Variants in TFF3 observed in about 807,000 individuals in gnomAD.
TFF3 encodes trefoil factor 3.
In TFF3, 6 loss-of-function variants were observed where a neutral mutation model predicts 9.7. The observed-to-expected ratio is 0.62, with a 90% CI of 0.34 to 1.22. The LOEUF is 1.22. TFF3 is among the 50% of genes most tolerant of loss of function. TFF3 has a pLI of 0.04. For synonymous variants in TFF3, 48 were observed against 41.4 expected (o/e 1.16, Z -0.61); for missense variants, 93 against 98.6 (o/e 0.94, Z 0.24).
chr21:42,312,805 G>T (rs999456440), intron 2 of TFF3, among the ~76,000 whole-genome samples: 1 of 152,178 alleles, frequency 6.6e-6, no homozygotes, highest in Non-Finnish European at 1.5e-5. Flanking sequence ...CTTCGTGGGG[G>T]CTGAGCTGGC....
At position 42,313,029 on chromosome 21, in the gene TFF3, G is replaced by C. The variant is rs79341074; in HGVS notation, c.229+456C>G. ...GAGAGGGAGAGGAGATGACCCTTGTGGGGGGCAGAGTGGGGGAGGTGGGGT... is the reference window on the plus strand; with the variant it reads ...GAGAGGGAGAGGAGATGACCCTTGTCGGGGGCAGAGTGGGGGAGGTGGGGT... On this transcript the variant is annotated intron_variant, in intron 2 of 2. Coordinates refer to ENST00000518498, the MANE Select transcript of TFF3 (RefSeq NM_003226.4). This position sits in a 1 kb window ranked among gnomAD's most constrained non-coding sequence, Gnocchi z 4.0. Among the ~76,000 whole-genome samples the C allele has an allele frequency of 2.2e-3, 329 of 152,214 alleles. No individual in the cohort carries two copies. Among genetic ancestry groups the C allele is most frequent in the African/African-American group, 7.5e-3 (310 of 41,536 alleles).
At chr21:42,315,271 G>A (rs1425174719) in intron 1 of TFF3, 22 bp downstream of exon 1, 5 of 1,601,052 alleles carry the variant, frequency 3.1e-6, no homozygotes, top group Non-Finnish European at 3.4e-6. Flanking sequence ...CCTGCCACCG[G>A]GGCAGTCAGG....
Position 42,313,567 on chromosome 21 carries a change from G to A in TFF3, c.147C>T (p.Pro49=). The change falls in exon 2 of 3, where the codon CCC becomes CCT. Residue 49 remains proline (P), a synonymous_variant. Transcript: ENST00000518498. This position sits in a 1 kb window ranked among gnomAD's most constrained non-coding sequence, Gnocchi z 4.0. ...RVDCGYPHVT[P]KECNNRGCCF... is the part of the protein sequence containing the mutation. Reference sequence around the variant, plus strand: ...AGCAGCCCCGGTTGTTGCACTCCTTGGGGGTGACATGGGGGTAGCCGCAGT... The same window carrying A: ...AGCAGCCCCGGTTGTTGCACTCCTTAGGGGTGACATGGGGGTAGCCGCAGT... The A allele has an allele frequency of 6.2e-7, 1 of 1,611,290 alleles. No individual in the cohort carries two copies. Among genetic ancestry groups the A allele is most frequent in the Non-Finnish European group, 8.5e-7 (1 of 1,179,612 alleles).
chr21:42,312,699 A>G (rs969085653), intron 2 of TFF3, among the ~76,000 whole-genome samples: 1 of 152,120 alleles, frequency 6.6e-6, no homozygotes, highest in African/African-American at 2.4e-5. Flanking sequence ...AGCCGGGGCC[A>G]GCAGGACTCA....
intron 2 of TFF3, among the ~76,000 whole-genome samples, chr21:42,312,970 T>C (rs1008820604): frequency 2.0e-5 from 3 of 151,416 alleles, no homozygotes; most frequent in Non-Finnish European, 4.4e-5. Flanking sequence ...ACCCCCAGGG[T>C]GGTTGCCCTG....
In TFF3 at chr21:42,313,511, C is replaced by G; in HGVS notation, c.203G>C (p.Trp68Ser). The change falls in exon 2 of 3, where the codon TGG (tryptophan) becomes TCG (serine). Residue 68 changes from tryptophan to serine, a missense_variant. Transcript: ENST00000518498. This position sits in a 1 kb window ranked among gnomAD's most constrained non-coding sequence, Gnocchi z 4.0. ...CFDSRIPGVP[W>S]CFKPLQEAEC... ...TGCTTCCTGCAGGGGCTTGAAACAC[C>G]AAGGCACTCCAGGGATCCTGGAGTC... The G allele has an allele frequency of 1.2e-6, 2 of 1,609,520 alleles. No individual in the cohort carries two copies.
Position 42,312,145 on chromosome 21 carries a change from C to A in TFF3, c.*111G>T, listed in dbSNP as rs1449751846. The A allele has an allele frequency of 6.8e-7, 1 of 1,467,312 alleles. No individual in the cohort carries two copies. The allele number at this position is 1,467,312 out of a possible 1,614,324, so 90.9% of individuals were successfully genotyped here. ...TATGAACTTTCAGCAGAAGCGCTTG[C>A]CGGGAGCAAAGGGACAGAAAAGCTG... On this transcript the variant is annotated 3_prime_UTR_variant, in exon 3 of 3. Transcript: ENST00000518498.
At chr21:42,314,791 C>G (rs2069349519) in intron 1 of TFF3, among the ~76,000 whole-genome samples, 2 of 152,198 alleles carry the variant, frequency 1.3e-5, no homozygotes, top group Non-Finnish European at 2.9e-5. Flanking sequence ...TGACCCTGCT[C>G]AGAAGACACC....
In TFF3 at chr21:42,313,432, G is replaced by C; in HGVS notation, c.229+53C>G. On this transcript the variant is annotated intron_variant, in intron 2 of 2. Coordinates refer to ENST00000518498, the MANE Select transcript of TFF3 (RefSeq NM_003226.4). The surrounding 1 kb of genome is among the most constrained non-coding windows in gnomAD (Gnocchi z 4.0). ...CCCAGAAAGGACAGGGAGGCCCTGAGACCCCCTGCCTTATGGGGCTGGGCC... is the reference window on the plus strand; with the variant it reads ...CCCAGAAAGGACAGGGAGGCCCTGACACCCCCTGCCTTATGGGGCTGGGCC... 1 of 1,552,088 alleles carries C rather than the reference G, an allele frequency of 6.4e-7. No individual in the cohort carries two copies. Among genetic ancestry groups the C allele is most frequent in the Admixed American group, 2.1e-5 (1 of 48,502 alleles).
chr21:42,314,856 C>T (rs1456907472), intron 1 of TFF3, among the ~76,000 whole-genome samples: 1 of 152,238 alleles, frequency 6.6e-6, no homozygotes. Flanking sequence ...AGCAGCCACA[C>T]CCCATGGCAG....
In TFF3 at chr21:42,313,735, C is replaced by T. The variant is rs2069344036; in HGVS notation, c.83-104G>A. The T allele has an allele frequency of 3.6e-6, 5 of 1,373,730 alleles. No homozygotes were observed. The African/African-American group carries it at 4.4e-5, about 12-fold the overall frequency. The allele number at this position is 1,373,730 out of a possible 1,614,324, so 85.1% of individuals were successfully genotyped here. ...TGCATCCTCCCGCTCCGCCCCACCC[C>T]GCCGAGTTCAACCACTGCTGAAACC... On this transcript the variant is annotated intron_variant, in intron 1 of 2. Transcript: ENST00000518498. The surrounding 1 kb of genome is among the most constrained non-coding windows in gnomAD (Gnocchi z 4.0).
Position 42,312,276 on chromosome 21 carries a change from A to G in TFF3, c.230-7T>C. 3 of 1,605,808 alleles carry G rather than the reference A, an allele frequency of 1.9e-6. No homozygotes were observed. Among genetic ancestry groups the G allele is most frequent in the Non-Finnish European group, 2.6e-6 (3 of 1,175,930 alleles). On this transcript the variant is annotated splice_polypyrimidine_tract_variant and splice_region_variant and intron_variant, in intron 2 of 2. Transcript: ENST00000518498. ...GTGCCTCAGAAGGTGCATTCTGCAA[A>G]CAGAGCAAAGGCTTGTGTGAGCAGT...
chr21:42,313,903 G>A lies in TFF3; in HGVS notation c.83-272C>T, dbSNP rs1034460848. On this transcript the variant is annotated intron_variant, in intron 1 of 2. Transcript: ENST00000518498. The surrounding 1 kb of genome is among the most constrained non-coding windows in gnomAD (Gnocchi z 4.0). ...ATCACCTTCTCGGGAAGTCACATAC[G>A]GACCTGGGTACCTTCCAGCTGGCAG... Among the ~76,000 whole-genome samples, 2 of 152,116 alleles carry A rather than the reference G, an allele frequency of 1.3e-5. No homozygotes were observed. Among genetic ancestry groups the A allele is most frequent in the Admixed American group, 6.5e-5 (1 of 15,280 alleles).
At position 42,313,465 on chromosome 21, in the gene TFF3, C is replaced by G; in HGVS notation, c.229+20G>C. 2 of 1,596,476 alleles carry G rather than the reference C, an allele frequency of 1.3e-6. No individual in the cohort carries two copies. Among genetic ancestry groups the G allele is most frequent in the Non-Finnish European group, 1.7e-6 (2 of 1,171,666 alleles). On this transcript the variant is annotated intron_variant, in intron 2 of 2. Coordinates refer to ENST00000518498, the MANE Select transcript of TFF3 (RefSeq NM_003226.4). The surrounding 1 kb of genome is among the most constrained non-coding windows in gnomAD (Gnocchi z 4.0). ...GCCTTATGGGGCTGGGCCCAGACCA[C>G]GATGCCACTGGGGCCTTACCTGCTT...
In TFF3 at chr21:42,312,277, C is replaced by G; in HGVS notation, c.230-8G>C. The G allele has an allele frequency of 6.2e-7, 1 of 1,604,792 alleles. No individual in the cohort carries two copies. The highest frequency in any genetic ancestry group is 8.5e-7 in the Non-Finnish European group (1 of 1,175,480). ...TGCCTCAGAAGGTGCATTCTGCAAA[C>G]AGAGCAAAGGCTTGTGTGAGCAGTC... On this transcript the variant is annotated splice_polypyrimidine_tract_variant and splice_region_variant and intron_variant, in intron 2 of 2. Coordinates refer to ENST00000518498, the MANE Select transcript of TFF3 (RefSeq NM_003226.4).
At chr21:42,312,487 C>T (rs2069336492) in intron 2 of TFF3, among the ~76,000 whole-genome samples, 1 of 152,212 alleles carries the variant, frequency 6.6e-6, no homozygotes, top group African/African-American at 2.4e-5. Flanking sequence ...AGATAACAAG[C>T]GAGATGGGCC....
At position 42,313,381 on chromosome 21, in the gene TFF3, TG is replaced by T; in HGVS notation, c.229+103del. On this transcript the variant is annotated intron_variant, in intron 2 of 2. Coordinates refer to ENST00000518498, the MANE Select transcript of TFF3 (RefSeq NM_003226.4). This position sits in a 1 kb window ranked among gnomAD's most constrained non-coding sequence, Gnocchi z 4.0. ...GAACAGGTGTGTGTGTGTGGCTTCC[TG>T]GGGTCCTTGTGCCTCCATCTCCAGC... 2 of 1,399,548 alleles carry T rather than the reference TG, an allele frequency of 1.4e-6. No homozygotes were observed. Among genetic ancestry groups the T allele is most frequent in the Non-Finnish European group, 9.6e-7 (1 of 1,043,732 alleles). The allele number at this position is 1,399,548 out of a possible 1,614,324, so 86.7% of individuals were successfully genotyped here.
chr21:42,314,842 A>G (rs1405561243), intron 1 of TFF3, among the ~76,000 whole-genome samples: 2 of 152,318 alleles, frequency 1.3e-5, no homozygotes, highest in African/African-American at 4.8e-5. Flanking sequence ...ACTTGGGTTA[A>G]TGGAGCAGCC....
chr21:42,313,886 C>A lies in TFF3; in HGVS notation c.83-255G>T, dbSNP rs895201760. The stretch of plus-strand genomic sequence containing the variant: ...CTCCTTGGCACGCTCTTATCACCTT[C>A]TCGGGAAGTCACATACGGACCTGGG... On this transcript the variant is annotated intron_variant, in intron 1 of 2. Coordinates refer to ENST00000518498, the MANE Select transcript of TFF3 (RefSeq NM_003226.4). This position sits in a 1 kb window ranked among gnomAD's most constrained non-coding sequence, Gnocchi z 4.0. Among the ~76,000 whole-genome samples the A allele has an allele frequency of 3.9e-5, 6 of 152,202 alleles. No homozygotes were observed. The highest frequency in any genetic ancestry group is 1.2e-4 in the African/African-American group (5 of 41,454).
Sources: allele counts gnomAD v4.1 joint callset (sites outside exome capture counted in the v4.1 genomes callset), GRCh38; gene constraint gnomAD v4.1.1; non-coding constraint Gnocchi (gnomAD v3.1); transcripts MANE v1.5; gene names NCBI Gene and HGNC (gene_info 2026-07-23, HGNC 2026-07-21).